The following GDPD4 variants were observed in gnomAD, a reference collection of about 807,000 sequenced individuals.
GDPD4 encodes glycerophosphodiester phosphodiesterase domain containing 4.
A neutral mutation model predicts 67.8 loss-of-function variants in GDPD4; 60 were observed. The ratio of observed to expected loss-of-function variants is 0.88; its 90% CI spans 0.72 to 1.10. The LOEUF is 1.10. GDPD4 is among the 50% of genes least tolerant of loss of function. GDPD4 has a pLI of 0.00. For missense variants in GDPD4, 623 were observed against 613.9 expected (o/e 1.01, Z -0.16); for synonymous variants, 212 against 210.9 (o/e 1.00, Z -0.04).
At chr11:77,297,986 T>C (rs1056059222) in intron 1 of GDPD4, among the ~76,000 whole-genome samples, 1 of 151,984 alleles carries the variant, frequency 6.6e-6, no homozygotes, top group Admixed American at 6.6e-5. Flanking sequence ...GCATGGAGAA[T>C]AGAGTGATTA....
intron 10 of GDPD4, among the ~76,000 whole-genome samples, chr11:77,260,325 G>A (rs1322939872): frequency 2.7e-5 from 4 of 150,620 alleles, no homozygotes; most frequent in Non-Finnish European, 4.4e-5. Context: ...AAATGGTCGG[G>A]GGAGGGGGGG....
At chr11:77,279,184 T>C (rs541957990) in intron 4 of GDPD4, 122 bp downstream of exon 4, 3 of 603,268 alleles carry the variant, frequency 5.0e-6, no homozygotes, top group East Asian at 2.7e-5. Flanking sequence ...CCAACTCTAC[T>C]AAGACAAGAG....
intron 1 of GDPD4, among the ~76,000 whole-genome samples, chr11:77,288,938 G>A (rs1232134013): frequency 1.3e-5 from 2 of 149,100 alleles, no homozygotes; most frequent in African/African-American, 4.9e-5. Context: ...ATCCGAATGA[G>A]ATAATTCAAT....
intron 5 of GDPD4, among the ~76,000 whole-genome samples, chr11:77,274,895 G>T (rs1053425217): frequency 2.6e-5 from 4 of 152,066 alleles, no homozygotes; most frequent in African/African-American, 9.7e-5. Context: ...GGAAAGGGTG[G>T]GTCAGAGTGG....
At position 77,271,243 on chromosome 11, in the gene GDPD4, C is replaced by T; in HGVS notation, c.307-20G>A. 1 of 1,609,852 alleles carries T rather than the reference C, an allele frequency of 6.2e-7. No homozygotes were observed. The highest frequency in any genetic ancestry group is 8.5e-7 in the Non-Finnish European group (1 of 1,176,494). On this transcript the variant is annotated intron_variant, in intron 6 of 16. Coordinates refer to ENST00000315938, the MANE Select transcript of GDPD4 (RefSeq NM_182833.3). ...AAAGATCTGTGAGAAAGCCAAAAGT[C>T]AGGCTGGATACATCTAGACAGCTAG...
intron 1 of GDPD4, among the ~76,000 whole-genome samples, chr11:77,296,170 G>A (rs1308160042): frequency 1.3e-5 from 2 of 148,798 alleles, no homozygotes; most frequent in African/African-American, 4.9e-5. Context: ...AGAATGGCGT[G>A]AACCTGGGAG....
At chr11:77,258,267 T>C in intron 11 of GDPD4, 119 bp downstream of exon 11, 1 of 962,112 alleles carries the variant, frequency 1.0e-6, no homozygotes, top group East Asian at 2.5e-5. Context: ...GCTACCAAAC[T>C]GGGATGAAAT....
intron 13 of GDPD4, among the ~76,000 whole-genome samples, chr11:77,242,696 A>C (rs1244214900): frequency 6.6e-6 from 1 of 152,188 alleles, no homozygotes; most frequent in Non-Finnish European, 1.5e-5. Context: ...ATTTGAAAAA[A>C]AAAGTAGAAG....
chr11:77,239,870 G>C (rs1958631163), intron 13 of GDPD4, among the ~76,000 whole-genome samples: 1 of 151,428 alleles, frequency 6.6e-6, no homozygotes. Flanking sequence ...GTTGAAGCAG[G>C]AGAATCACTT....
chr11:77,277,766 G>A (rs959757077), intron 4 of GDPD4, among the ~76,000 whole-genome samples: 5 of 151,220 alleles, frequency 3.3e-5, no homozygotes, highest in African/African-American at 1.2e-4. Flanking sequence ...GTTATTTCTT[G>A]CCTTCTGCTA....
At chr11:77,255,228 A>T (rs1404036507) in intron 11 of GDPD4, among the ~76,000 whole-genome samples, 1 of 152,130 alleles carries the variant, frequency 6.6e-6, no homozygotes, top group African/African-American at 2.4e-5. Flanking sequence ...CTTACAACTA[A>T]CCCAAACATT....
At chr11:77,279,977 C>T (rs888219826) in intron 3 of GDPD4, among the ~76,000 whole-genome samples, 2 of 152,056 alleles carry the variant, frequency 1.3e-5, no homozygotes, top group African/African-American at 2.4e-5. Context: ...TCCTCCTCTC[C>T]GTACAAAACC....
intron 10 of GDPD4, among the ~76,000 whole-genome samples, chr11:77,266,667 A>G (rs1185539473): frequency 6.6e-6 from 1 of 152,196 alleles, no homozygotes; most frequent in East Asian, 1.9e-4. Context: ...GTGAAGGTAG[A>G]AGACAGTGAT....
chr11:77,258,383 T>C lies in GDPD4; in HGVS notation c.864+3A>G, dbSNP rs377215994. On this transcript the variant is annotated splice_donor_region_variant and intron_variant, in intron 11 of 16. Coordinates refer to ENST00000315938, the MANE Select transcript of GDPD4 (RefSeq NM_182833.3). ...GTTTGTGGAACTTGGGAATGTGTCT[T>C]ACCTCTGGTTTTACAAACCATTTGC... is the stretch of plus-strand genomic sequence containing the variant. 1.2e-6 allele frequency: 2 copies of C among 1,613,882 alleles called. No homozygotes were observed. The highest frequency in any genetic ancestry group is 2.7e-5 in the African/African-American group (2 of 74,930).
At chr11:77,244,119 C>G (rs970607967) in intron 12 of GDPD4, among the ~76,000 whole-genome samples, 1 of 152,172 alleles carries the variant, frequency 6.6e-6, no homozygotes, top group African/African-American at 2.4e-5. Flanking sequence ...GGGTTCATAC[C>G]ATTCTCCTGC....
At chr11:77,219,559 G>A (rs1399717309) in intron 16 of GDPD4, among the ~76,000 whole-genome samples, 3 of 152,170 alleles carry the variant, frequency 2.0e-5, no homozygotes, top group African/African-American at 4.8e-5. Context: ...TTTGTATAAG[G>A]AGTAAGGAAG....
rs563827348 is a variant in GDPD4, at chr11:77,257,130, T to C, written c.864+1256A>G. ...CACTACTACCGTATAAGTGAGCTAT[T>C]ACCACAGCTGACCCTCACACCTTGC... On this transcript the variant is annotated intron_variant, in intron 11 of 16. Coordinates refer to ENST00000315938, the MANE Select transcript of GDPD4 (RefSeq NM_182833.3). 2.6e-5 allele frequency among the ~76,000 whole-genome samples: 4 copies of C among 152,316 alleles called. No homozygotes were observed. In the South Asian group the frequency reaches 8.3e-4, roughly 32 times the overall value.
At chr11:77,252,077 T>TC (rs1379925112) in intron 11 of GDPD4, among the ~76,000 whole-genome samples, 2 of 149,578 alleles carry the variant, frequency 1.3e-5, no homozygotes, top group Admixed American at 1.3e-4. Flanking sequence ...TTTTTTTTTT[T>TC]TTTTGAGACA....
intron 11 of GDPD4, among the ~76,000 whole-genome samples, chr11:77,247,863 C>A (rs1268736171): frequency 6.6e-6 from 1 of 151,962 alleles, no homozygotes. Flanking sequence ...ACCAGCCTGA[C>A]CAACATGGAG....
Sources: gnomAD v4.1 joint callset for allele counts (sites outside exome capture counted in the v4.1 genomes callset) on GRCh38, gnomAD v4.1.1 for gene constraint, MANE v1.5 for transcripts, NCBI Gene and HGNC (gene_info 2026-07-23, HGNC 2026-07-21) for gene names.